Variants in SIK3 observed in about 807,000 individuals in gnomAD.
The protein encoded by SIK3 is serine/threonine-protein kinase SIK3.
In SIK3, 28 loss-of-function variants were observed where a neutral mutation model predicts 144.2. The observed-to-expected ratio is 0.19, with a 90% confidence interval of 0.14 to 0.27. The LOEUF (loss-of-function observed/expected upper bound fraction) is 0.27, where lower values mean the gene tolerates loss of function less well. Among genes scored for constraint, SIK3 ranks in the 10% least tolerant of loss-of-function variants. The pLI is 1.00. For missense variants in SIK3, 1,319 were observed against 1,776.0 expected (o/e 0.74, Z 4.62); for synonymous variants, 686 against 676.3 (o/e 1.01, Z -0.22).
chr11:117,092,073 C>A (rs942933904), intron 1 of SIK3, among the ~76,000 whole-genome samples: 1 of 152,144 alleles, frequency 6.6e-6, no homozygotes, highest in African/African-American at 2.4e-5. Context: ...GCATGAGCCA[C>A]CACATCCAGC....
At chr11:116,933,301 C>T (rs186751057) in intron 3 of SIK3, among the ~76,000 whole-genome samples, 4 of 152,108 alleles carry the variant, frequency 2.6e-5, no homozygotes, top group East Asian at 3.9e-4. Context: ...CCACCACACC[C>T]GGCTAATTTT....
intron 1 of SIK3, among the ~76,000 whole-genome samples, chr11:117,030,421 T>C (rs1304859338): frequency 2.0e-5 from 3 of 152,236 alleles, no homozygotes; most frequent in Non-Finnish European, 4.4e-5. Context: ...TTATGAGCCA[T>C]TTAAAATCTA....
At chr11:117,096,357 CA>C (rs1359019600) in intron 1 of SIK3, among the ~76,000 whole-genome samples, 1 of 152,050 alleles carries the variant, frequency 6.6e-6, no homozygotes, top group Non-Finnish European at 1.5e-5. Context: ...AAAATAACCA[CA>C]GGAGCACAAA....
intron 4 of SIK3, among the ~76,000 whole-genome samples, chr11:116,924,354 C>G (rs1188434011): frequency 6.6e-6 from 1 of 150,838 alleles, no homozygotes; most frequent in Non-Finnish European, 1.5e-5. Flanking sequence ...ATCCTAAATT[C>G]AAAATCAAGA....
chr11:116,896,449 A>G, intron 5 of SIK3, 73 bp from the exon 6 acceptor site: 3 of 1,513,474 alleles, frequency 2.0e-6, no homozygotes, highest in Non-Finnish European at 2.7e-6. Context: ...TAGTGTGTGT[A>G]TGCAGATGAT....
At chr11:116,845,715 G>A (rs1456971351) in intron 24 of SIK3, 86 bp from the exon 25 acceptor site, 2 of 152,232 alleles carry the variant, frequency 1.3e-5, no homozygotes, top group Admixed American at 1.3e-4. Flanking sequence ...AAAATGCAAC[G>A]GGTTTACTTT....
chr11:117,063,586 C>CTT (rs769073456), intron 1 of SIK3, among the ~76,000 whole-genome samples: 47 of 125,912 alleles, frequency 3.7e-4, no homozygotes, highest in African/African-American at 1.2e-3. Flanking sequence ...AATGAAGTTT[C>CTT]TTTTTTTTTT....
At chr11:116,987,321 T>TAAAAA (rs35342917) in intron 1 of SIK3, among the ~76,000 whole-genome samples, 2 of 137,272 alleles carry the variant, frequency 1.5e-5, no homozygotes, top group Non-Finnish European at 1.6e-5. Context: ...CATAAAAGAT[T>TAAAAA]AAAAAAAAAA....
At chr11:116,916,302 C>T (rs1441116602) in intron 4 of SIK3, among the ~76,000 whole-genome samples, 2 of 152,042 alleles carry the variant, frequency 1.3e-5, no homozygotes, top group Non-Finnish European at 2.9e-5. Context: ...CTTTTTGATG[C>T]TAAGAAAACT....
intron 4 of SIK3, among the ~76,000 whole-genome samples, chr11:116,902,796 A>G (rs1945808695): frequency 6.6e-6 from 1 of 152,152 alleles, no homozygotes; most frequent in Admixed American, 6.5e-5. Context: ...CCCTGCCTAC[A>G]AGACACCTTT....
At chr11:116,859,642 G>C (rs766113614) in intron 19 of SIK3, 38 bp from the exon 20 acceptor site, 10 of 1,571,700 alleles carry the variant, frequency 6.4e-6, no homozygotes, top group Non-Finnish European at 8.7e-6. Flanking sequence ...CAAGTGCCCA[G>C]GCCACCAGCC....
At chr11:116,963,903 T>C (rs1427989007) in intron 1 of SIK3, among the ~76,000 whole-genome samples, 2 of 152,154 alleles carry the variant, frequency 1.3e-5, no homozygotes, top group East Asian at 3.8e-4. Context: ...AAAACAAATT[T>C]AAAAGAACCC....
At chr11:117,045,726 A>G (rs558904508) in intron 1 of SIK3, among the ~76,000 whole-genome samples, 1 of 152,298 alleles carries the variant, frequency 6.6e-6, no homozygotes, top group East Asian at 1.9e-4. Context: ...TCCTAATCAC[A>G]CTTAGATAAA....
chr11:116,961,703 TAC>T, intron 1 of SIK3, among the ~76,000 whole-genome samples: 1 of 152,222 alleles, frequency 6.6e-6, no homozygotes, highest in Non-Finnish European at 1.5e-5. Flanking sequence ...TTGCCTGTTC[TAC>T]ACAGAATTCT....
At chr11:116,875,581 T>C (rs982962050) in intron 9 of SIK3, 130 bp from the exon 10 acceptor site, 1 of 1,007,932 alleles carries the variant, frequency 9.9e-7, no homozygotes, top group Admixed American at 2.5e-5. Flanking sequence ...CATCGGCCCT[T>C]AGAAGTCACA....
intron 1 of SIK3, among the ~76,000 whole-genome samples, chr11:117,089,645 G>C (rs1300812386): frequency 1.3e-5 from 2 of 152,106 alleles, no homozygotes; most frequent in African/African-American, 2.4e-5. Context: ...TTCAATTCTG[G>C]GGGGAGCTAT....
intron 1 of SIK3, among the ~76,000 whole-genome samples, chr11:116,992,966 CAG>C (rs748882824): frequency 3.9e-5 from 6 of 152,146 alleles, no homozygotes; most frequent in African/African-American, 4.8e-5. Context: ...GCCTGGGTGA[CAG>C]AGTGAGATTC....
At chr11:116,924,272 G>A (rs1447900822) in intron 4 of SIK3, among the ~76,000 whole-genome samples, 2 of 151,092 alleles carry the variant, frequency 1.3e-5, no homozygotes, top group African/African-American at 4.9e-5. Flanking sequence ...CTCCAGCCTG[G>A]GCAACAGTGT....
chr11:116,887,937 G>C (rs1331776116), intron 6 of SIK3, among the ~76,000 whole-genome samples: 1 of 152,138 alleles, frequency 6.6e-6, no homozygotes, highest in Non-Finnish European at 1.5e-5. Flanking sequence ...CCTATGAAAG[G>C]AAACTTGTGT....
Sources: allele counts gnomAD v4.1 joint callset (sites outside exome capture counted in the v4.1 genomes callset), GRCh38; gene constraint gnomAD v4.1.1; transcripts MANE v1.5; gene names NCBI Gene and HGNC (gene_info 2026-07-23, HGNC 2026-07-21).